Variants in SBK1 observed in about 807,000 individuals in gnomAD.
SBK1 encodes the protein SH3 domain binding kinase 1.
A neutral mutation model predicts 24.4 loss-of-function variants in SBK1; 11 were observed. The ratio of observed to expected loss-of-function variants is 0.45; its 90% CI spans 0.28 to 0.75. The LOEUF is 0.75. Ranked by LOEUF, SBK1 falls within the 30% of genes least tolerant of loss-of-function variation. The pLI is 0.12. For synonymous variants in SBK1, 308 were observed against 284.4 expected (o/e 1.08, Z -0.83); for missense variants, 467 against 620.5 (o/e 0.75, Z 2.63).
chr16:28,300,911 C>T (rs553815428), intron 1 of SBK1, among the ~76,000 whole-genome samples: 1 of 152,316 alleles, frequency 6.6e-6, no homozygotes, highest in East Asian at 1.9e-4. Context: ...CCGCAGGCTC[C>T]TAGGCTGGGC....
chr16:28,319,259 G>A lies in SBK1; in HGVS notation c.429+62G>A, dbSNP rs1170618671. 7.7e-7 allele frequency: 1 copy of A among 1,297,294 alleles called. No homozygotes were observed. The highest frequency in any genetic ancestry group is 1.7e-5 in the Admixed American group (1 of 57,530). 80.4% of individuals were successfully genotyped at this position (1,297,294 alleles called of 1,614,324 possible). A position where few individuals can be genotyped will look rare whatever the true frequency, so the allele number is the denominator to read the frequency against. On this transcript the variant is annotated intron_variant, in intron 3 of 3. Coordinates refer to ENST00000341901, the MANE Select transcript of SBK1 (RefSeq NM_001024401.3). This position sits in a 1 kb window ranked among gnomAD's most constrained non-coding sequence, Gnocchi z 4.0. ...TTCAGGGTCCCAGAGTGTGAGAGTG[G>A]GAGTGGAGTCAGACCATTTAATTAA...
At chr16:28,280,969 GACA>G (rs1046844016) in intron 1 of SBK1, among the ~76,000 whole-genome samples, 4 of 152,070 alleles carry the variant, frequency 2.6e-5, no homozygotes, top group Non-Finnish European at 4.4e-5. Context: ...CCTGGCTCCT[GACA>G]ACAAGTTCAA....
chr16:28,270,886 C>T (rs946883185), intron 1 of SBK1, among the ~76,000 whole-genome samples: 72 of 151,314 alleles, frequency 4.8e-4, no homozygotes, highest in East Asian at 2.1e-3. Flanking sequence ...TTTTTTGAGA[C>T]GGAGTCTTGC....
At chr16:28,274,698 A>T (rs1488066571) in intron 1 of SBK1, among the ~76,000 whole-genome samples, 3 of 152,246 alleles carry the variant, frequency 2.0e-5, no homozygotes, top group East Asian at 1.9e-4. Flanking sequence ...TGTAAGCCTA[A>T]AACTACTCTA....
At chr16:28,309,999 G>T (rs767770716) in intron 1 of SBK1, among the ~76,000 whole-genome samples, 6 of 152,190 alleles carry the variant, frequency 3.9e-5, no homozygotes, top group Admixed American at 6.5e-5. Context: ...AACGCTTGCC[G>T]ACCGCCAGCA....
chr16:28,304,748 C>T (rs543930033), intron 1 of SBK1, among the ~76,000 whole-genome samples: 7 of 151,922 alleles, frequency 4.6e-5, no homozygotes, highest in Non-Finnish European at 1.0e-4. Flanking sequence ...GCTGGGACTA[C>T]AGGTGCCCGC....
At chr16:28,275,105 C>G (rs974522504) in intron 1 of SBK1, among the ~76,000 whole-genome samples, 2 of 152,192 alleles carry the variant, frequency 1.3e-5, no homozygotes, top group African/African-American at 2.4e-5. Flanking sequence ...GCAGGAGGAT[C>G]TCTAGAGGGC....
intron 1 of SBK1, among the ~76,000 whole-genome samples, chr16:28,277,786 C>G (rs547244543): frequency 6.6e-6 from 1 of 152,312 alleles, no homozygotes; most frequent in South Asian, 2.1e-4. Context: ...GTCTTGCCCT[C>G]GAGAACCAGA....
Position 28,317,355 on chromosome 16 carries a change from C to T in SBK1, c.-7-30C>T. 6.4e-7 allele frequency: 1 copy of T among 1,560,388 alleles called. No individual in the cohort carries two copies. Among genetic ancestry groups the T allele is most frequent in the South Asian group, 1.1e-5 (1 of 89,830 alleles). Reference sequence around the variant, plus strand: ...AGGAGGGGACCCTTGCCTGATGTCACACTTCATGCTCACCACCCCTACCCA... The same window carrying T: ...AGGAGGGGACCCTTGCCTGATGTCATACTTCATGCTCACCACCCCTACCCA... On this transcript the variant is annotated intron_variant, in intron 1 of 3. Coordinates refer to ENST00000341901, the MANE Select transcript of SBK1 (RefSeq NM_001024401.3). The surrounding 1 kb of genome is among the most constrained non-coding windows in gnomAD (Gnocchi z 4.2).
At chr16:28,270,898 C>G (rs533363257) in intron 1 of SBK1, among the ~76,000 whole-genome samples, 1 of 151,616 alleles carries the variant, frequency 6.6e-6, no homozygotes, top group Non-Finnish European at 1.5e-5. Context: ...GAGTCTTGCT[C>G]TGTTGCCCAG....
Position 28,300,881 on chromosome 16 carries a change from G to A in SBK1, c.-8+7581G>A, listed in dbSNP as rs377308751. On this transcript the variant is annotated intron_variant, in intron 1 of 3. Coordinates refer to ENST00000341901, the MANE Select transcript of SBK1 (RefSeq NM_001024401.3). ...CCAAAGCTTCCAGGCTAGAAATGGC[G>A]GTGAAAGCCTGAACCTGGACCGCAG... Among the ~76,000 whole-genome samples, 80 of 152,304 alleles carry A rather than the reference G, an allele frequency of 5.3e-4. No individual in the cohort carries two copies. The South Asian group carries it at 9.1e-3, about 17-fold the overall frequency.
intron 1 of SBK1, among the ~76,000 whole-genome samples, chr16:28,284,525 C>T (rs1463915921): frequency 6.6e-6 from 1 of 152,232 alleles, no homozygotes; most frequent in Admixed American, 6.5e-5. Context: ...CCAGAGCCAT[C>T]GTGAGCAGGA....
At chr16:28,303,524 T>C (rs2141582223) in intron 1 of SBK1, among the ~76,000 whole-genome samples, 1 of 136,146 alleles carries the variant, frequency 7.3e-6, no homozygotes, top group East Asian at 2.1e-4. Context: ...TTTTTTTTTT[T>C]TTTTTTTTGA....
chr16:28,263,483 A>G (rs4255791), intron 1 of SBK1, among the ~76,000 whole-genome samples: 97,945 of 152,072 alleles, frequency 0.64, 32,529 homozygotes, highest in East Asian at 0.92. Context: ...GGCAAAGCAA[A>G]TTGAGAGCAA....
chr16:28,314,808 A>G (rs2044781295), intron 1 of SBK1, among the ~76,000 whole-genome samples: 1 of 152,156 alleles, frequency 6.6e-6, no homozygotes, highest in Non-Finnish European at 1.5e-5. Flanking sequence ...GTGAAACCCC[A>G]TCTCTACTAA....
intron 1 of SBK1, among the ~76,000 whole-genome samples, chr16:28,305,982 G>A (rs2044713924): frequency 6.6e-6 from 1 of 152,204 alleles, no homozygotes; most frequent in Admixed American, 6.5e-5. Context: ...CTTCCTTACA[G>A]TAATGGCCCT....
At chr16:28,260,119 G>C (rs2044388694) in intron 1 of SBK1, among the ~76,000 whole-genome samples, 1 of 147,158 alleles carries the variant, frequency 6.8e-6, no homozygotes, top group South Asian at 2.1e-4. Context: ...AAAGAGAGAG[G>C]GAGAGAGACA....
Position 28,319,077 on chromosome 16 carries a change from C to G in SBK1, c.309C>G (p.Ser103Arg). 1 of 1,613,956 alleles carries G rather than the reference C, an allele frequency of 6.2e-7. No homozygotes were observed. The highest frequency in any genetic ancestry group is 1.1e-5 in the South Asian group (1 of 91,082). The change falls in exon 3 of 4, where the codon AGC becomes AGG. Residue 103 changes from serine to arginine, a missense_variant. This residue lies in a region of SBK1 where 123 missense variants were observed against 158.2 expected (regional missense o/e 0.78). Coordinates refer to ENST00000341901, the MANE Select transcript of SBK1 (RefSeq NM_001024401.3). The surrounding 1 kb of genome is among the most constrained non-coding windows in gnomAD (Gnocchi z 4.0). ...TACGGGAGGTGAGCATCACCAACAG[C>G]CTCTCCTCCAGCCCCTTCATCATCA... ...NFLREVSITN[S>R]LSSSPFIIKV...
chr16:28,261,225 C>T (rs61701077), intron 1 of SBK1, among the ~76,000 whole-genome samples: 10,079 of 152,066 alleles, frequency 0.066, 587 homozygotes, highest in Admixed American at 0.2. Context: ...GATAGAACCC[C>T]GTGTTCATAG....
Sources: gnomAD v4.1 joint callset for allele counts (sites outside exome capture counted in the v4.1 genomes callset) on GRCh38, gnomAD v4.1.1 for gene constraint, gnomAD v4.1.1 regional missense constraint, Gnocchi (gnomAD v3.1) non-coding constraint, MANE v1.5 for transcripts, NCBI Gene and HGNC (gene_info 2026-07-23, HGNC 2026-07-21) for gene names.